Variants in FAAH2 observed in about 807,000 individuals in gnomAD.
FAAH2 encodes the protein fatty acid amide hydrolase 2, also known as fatty-acid amide hydrolase 2.
A neutral mutation model predicts 36.9 loss-of-function variants in FAAH2; 60 were observed. That is an observed-to-expected ratio of 1.63 (90% CI 1.32 to 2.02). The LOEUF (loss-of-function observed/expected upper bound fraction) is 2.02. Ranked by LOEUF, FAAH2 falls within the 30% of genes most tolerant of loss-of-function variation. The pLI, the probability that FAAH2 is intolerant of heterozygous loss-of-function variation, is 0.00. For missense variants in FAAH2, 689 were observed against 397.5 expected, an observed-to-expected ratio of 1.73 and a Z score of -6.23; for synonymous variants, 214 against 143.8, an observed-to-expected ratio of 1.49 and a Z score of -3.49.
the FAAH2 span, among the ~76,000 whole-genome samples, chrX:57,164,532 G>T: frequency 8.9e-6 from 1 of 111,962 alleles, no homozygotes; most frequent in African/African-American, 3.3e-5. Context: ...TTAAAATTGT[G>T]AATATGAAAT....
intron 10 of FAAH2, among the ~76,000 whole-genome samples, chrX:57,453,650 G>A (rs1318520883): frequency 1.8e-5 from 2 of 111,350 alleles, no homozygotes; most frequent in Non-Finnish European, 1.9e-5. Context: ...TCATAGCCAG[G>A]AAATCCATGT....
chrX:57,464,518 CAAAAAAAA>C (rs5902566), intron 10 of FAAH2, among the ~76,000 whole-genome samples: 96 of 60,965 alleles, frequency 1.6e-3, no homozygotes, highest in Admixed American at 4.4e-3. Context: ...ATAGCAATTG[CAAAAAAAA>C]AAAAAAAAAA....
In FAAH2 at chrX:57,430,079, A is replaced by G. The variant is rs773464322; in HGVS notation, c.997-1839A>G. ...TGAAGGATGAACAATTACTTAGCGG[A>G]TACAATGTACATTATTAGGTTGATG... On this transcript the variant is annotated intron_variant, in intron 7 of 10. Transcript: ENST00000374900. Among the ~76,000 whole-genome samples, 5 of 111,779 alleles carry G rather than the reference A, an allele frequency of 4.5e-5. No individual in the cohort carries two copies. In the South Asian group the frequency reaches 1.9e-3, roughly 43 times the overall value.
At chrX:57,257,541 C>T in the FAAH2 span, among the ~76,000 whole-genome samples, 4 of 107,457 alleles carry the variant, frequency 3.7e-5, no homozygotes, top group African/African-American at 1.4e-4. Flanking sequence ...CATTGCCTGT[C>T]GGGGGGTGGG....
At chrX:57,418,340 G>A (rs6612805) in intron 7 of FAAH2, among the ~76,000 whole-genome samples, 58,312 of 110,460 alleles carry the variant, frequency 0.53, 13,729 homozygotes, top group Non-Finnish European at 0.73. Context: ...TTTGCTTGAA[G>A]CCCAGGGCCC....
At chrX:57,304,324 C>T (rs1044793372) in intron 2 of FAAH2, among the ~76,000 whole-genome samples, 1 of 112,435 alleles carries the variant, frequency 8.9e-6, no homozygotes, top group Non-Finnish European at 1.9e-5. Flanking sequence ...GAAAGCAATA[C>T]GGAAAATATA....
chrX:57,177,321 T>C, the FAAH2 span, among the ~76,000 whole-genome samples: 1 of 108,056 alleles, frequency 9.3e-6, no homozygotes, highest in East Asian at 2.9e-4. Flanking sequence ...AGGCACCTCT[T>C]TTCATATGCA....
chrX:57,182,083 G>T, the FAAH2 span, among the ~76,000 whole-genome samples: 1 of 111,595 alleles, frequency 9.0e-6, no homozygotes. Flanking sequence ...ATCAACTCAA[G>T]ATTTATTAAA....
chrX:57,378,879 C>G, intron 6 of FAAH2, 93 bp downstream of exon 6: 28 of 1,035,378 alleles, frequency 2.7e-5, no homozygotes, highest in Non-Finnish European at 3.6e-5. Flanking sequence ...TTTCAGTCCT[C>G]AAGCAAATAA....
the FAAH2 span, among the ~76,000 whole-genome samples, chrX:57,261,199 G>A: frequency 3.1e-4 from 34 of 111,360 alleles, no homozygotes; most frequent in South Asian, 7.6e-4. Flanking sequence ...ATTCTAATGA[G>A]CAATTAAAGG....
chrX:57,211,885 C>A, the FAAH2 span, among the ~76,000 whole-genome samples: 6 of 112,004 alleles, frequency 5.4e-5, no homozygotes, highest in Non-Finnish European at 1.1e-4. Flanking sequence ...CCCTATTCAA[C>A]ATTAATTATA....
At chrX:57,244,760 A>G in the FAAH2 span, among the ~76,000 whole-genome samples, 1 of 112,052 alleles carries the variant, frequency 8.9e-6, no homozygotes, top group Non-Finnish European at 1.9e-5. Flanking sequence ...ATCTGGAACC[A>G]GCCACTGCAA....
chrX:57,290,515 G>A (rs1015809949), intron 1 of FAAH2, among the ~76,000 whole-genome samples: 1 of 111,332 alleles, frequency 9.0e-6, no homozygotes, highest in Non-Finnish European at 1.9e-5. Context: ...AATCTCCCCT[G>A]TATCTATGGT....
chrX:57,477,610 G>A (rs1319691937), intron 10 of FAAH2, among the ~76,000 whole-genome samples: 1 of 109,657 alleles, frequency 9.1e-6, no homozygotes, highest in African/African-American at 3.3e-5. Flanking sequence ...ATTTGCATTA[G>A]GTATATCTCC....
Position 57,341,281 on chromosome X carries a change from C to T in FAAH2, c.633C>T (p.Gly211=). 8.3e-7 allele frequency: 1 copy of T among 1,208,130 alleles called. No homozygotes were observed. The highest frequency in any genetic ancestry group is 1.1e-6 in the Non-Finnish European group (1 of 893,623). The change falls in exon 5 of 11, where the codon GGC becomes GGT. Residue 211 remains glycine (G), a synonymous_variant. Transcript: ENST00000374900. ...HIVGGSSGGE[G]CTLAAACSVI... The stretch of plus-strand genomic sequence containing the variant: ...TTGTGTTTCTTGTAGGTGGTGAGGG[C>T]TGCACACTGGCAGCTGCCTGCTCAG...
chrX:57,129,000 T>C, the FAAH2 span, among the ~76,000 whole-genome samples: 4 of 112,041 alleles, frequency 3.6e-5, no homozygotes, highest in African/African-American at 6.5e-5. Flanking sequence ...CAACCAGTTA[T>C]GAAAAGTTAT....
the FAAH2 span, among the ~76,000 whole-genome samples, chrX:57,272,059 T>A: frequency 9.2e-6 from 1 of 108,483 alleles, no homozygotes. Context: ...GAAGAACATA[T>A]ATGATCTGAT....
chrX:57,317,337 G>A (rs1439547098), intron 3 of FAAH2, among the ~76,000 whole-genome samples: 15 of 112,235 alleles, frequency 1.3e-4, no homozygotes, highest in African/African-American at 4.5e-4. Flanking sequence ...TCAAGCAAAT[G>A]TAAAGCGAAA....
rs1288440015 is a variant in FAAH2, at chrX:57,472,430, GT to G, written c.1424-16320del. 6.3e-5 allele frequency among the ~76,000 whole-genome samples: 7 copies of G among 111,909 alleles called. No individual in the cohort carries two copies. The South Asian group carries it at 1.5e-3, about 23-fold the overall frequency. ...CAACTCCATCAACAAGTGTCCTGTAGTTTTTTTGTTGTTCTTGTGTTCTTTC... is the reference window on the plus strand; with the variant it reads ...CAACTCCATCAACAAGTGTCCTGTAGTTTTTTGTTGTTCTTGTGTTCTTTC... On this transcript the variant is annotated intron_variant, in intron 10 of 10. Transcript: ENST00000374900.
Sources: allele counts gnomAD v4.1 joint callset (sites outside exome capture counted in the v4.1 genomes callset), GRCh38; gene constraint gnomAD v4.1.1; transcripts MANE v1.5; gene names NCBI Gene and HGNC (gene_info 2026-07-23, HGNC 2026-07-21).